Variants in ARK2C observed in about 807,000 individuals in gnomAD.
ARK2C encodes the protein E3 ubiquitin-protein ligase ARK2C.
the ARK2C span, among the ~76,000 whole-genome samples, chr18:46,444,547 C>T: frequency 6.6e-6 from 1 of 152,110 alleles, no homozygotes; most frequent in Non-Finnish European, 1.5e-5. Flanking sequence ...TCATTGTAGC[C>T]TCAACTTCCT....
the ARK2C span, among the ~76,000 whole-genome samples, chr18:46,409,254 A>G: frequency 4.0e-4 from 61 of 152,332 alleles, no homozygotes; most frequent in African/African-American, 1.5e-3. Flanking sequence ...GAACAGCAAT[A>G]TGAGATACCT....
chr18:46,338,876 C>T, the ARK2C span, among the ~76,000 whole-genome samples: 38 of 152,326 alleles, frequency 2.5e-4, no homozygotes, highest in East Asian at 3.5e-3. Context: ...ACTGACTCCC[C>T]GGCTCACCCT....
the ARK2C span, among the ~76,000 whole-genome samples, chr18:46,395,925 T>C: frequency 2.0e-4 from 30 of 152,332 alleles, no homozygotes; most frequent in African/African-American, 7.0e-4. Context: ...TTTAGGCTCA[T>C]TGGGGCTCAC....
the ARK2C span, among the ~76,000 whole-genome samples, chr18:46,340,580 G>A: frequency 6.6e-6 from 1 of 152,198 alleles, no homozygotes; most frequent in Non-Finnish European, 1.5e-5. Context: ...CACACGAATG[G>A]CAGAACGTCC....
chr18:46,398,847 G>A, the ARK2C span, among the ~76,000 whole-genome samples: 2 of 151,958 alleles, frequency 1.3e-5, no homozygotes, highest in African/African-American at 2.4e-5. Context: ...GCCCTCTCTC[G>A]TCTGGTCATT....
chr18:46,334,146 G>A, the ARK2C span: 2 of 323,694 alleles, frequency 6.2e-6, no homozygotes, highest in Non-Finnish European at 8.8e-6. The surrounding 1 kb of genome is among the most constrained non-coding windows in gnomAD (Gnocchi z 4.4). Flanking sequence ...ACCGCCGCCC[G>A]CGCCCCGCGC....
chr18:46,336,398 A>G, the ARK2C span: 3 of 985,372 alleles, frequency 3.0e-6, no homozygotes, highest in Middle Eastern at 5.2e-4. Flanking sequence ...AAAAAATCCA[A>G]CAACACAAAT....
At chr18:46,426,743 C>T in the ARK2C span, among the ~76,000 whole-genome samples, 1 of 152,226 alleles carries the variant, frequency 6.6e-6, no homozygotes, top group South Asian at 2.1e-4. Context: ...CCTTCTTTCT[C>T]CCTACTCCCT....
chr18:46,436,060 T>G, the ARK2C span, among the ~76,000 whole-genome samples: 1 of 152,068 alleles, frequency 6.6e-6, no homozygotes. Context: ...GGTCGCTTGG[T>G]TTTGGATCCT....
chr18:46,391,691 G>A, the ARK2C span, among the ~76,000 whole-genome samples: 1 of 151,678 alleles, frequency 6.6e-6, no homozygotes, highest in Non-Finnish European at 1.5e-5. Context: ...AAAGGGCTTG[G>A]GACATGTCAA....
the ARK2C span, among the ~76,000 whole-genome samples, chr18:46,437,090 C>G: frequency 6.7e-6 from 1 of 149,788 alleles, no homozygotes; most frequent in Non-Finnish European, 1.5e-5. Flanking sequence ...GCATTCCTGA[C>G]CACTACCTGC....
the ARK2C span, chr18:46,337,420 C>T: frequency 2.0e-6 from 2 of 985,160 alleles, no homozygotes; most frequent in African/African-American, 3.5e-5. Context: ...TTTACATCCC[C>T]CAGTTGACAA....
At chr18:46,372,981 C>T in the ARK2C span, among the ~76,000 whole-genome samples, 49 of 152,362 alleles carry the variant, frequency 3.2e-4, 1 homozygote, top group South Asian at 0.01. Flanking sequence ...GGGGGACCCT[C>T]CTGCTGGGAA....
the ARK2C span, chr18:46,447,584 C>T: frequency 6.2e-7 from 1 of 1,614,114 alleles, no homozygotes; most frequent in Non-Finnish European, 8.5e-7. Context: ...TGGATGCTGG[C>T]TTGAGTCCTG....
At chr18:46,428,301 C>T in the ARK2C span, among the ~76,000 whole-genome samples, 8 of 152,102 alleles carry the variant, frequency 5.3e-5, no homozygotes, top group East Asian at 1.9e-4. Flanking sequence ...CCCAGCTACT[C>T]GGGAGGCTGA....
chr18:46,455,876 CCTG>C, the ARK2C span: 1 of 680,344 alleles, frequency 1.5e-6, no homozygotes, highest in African/African-American at 1.8e-5. Flanking sequence ...CTTTAAAAAA[CCTG>C]ACTCCCAGGG....
the ARK2C span, chr18:46,450,311 C>T: frequency 1.9e-6 from 3 of 1,613,860 alleles, no homozygotes; most frequent in Non-Finnish European, 2.5e-6. Context: ...CCATGAAATC[C>T]GAAACTACCC....
chr18:46,426,855 T>A, the ARK2C span, among the ~76,000 whole-genome samples: 2 of 152,256 alleles, frequency 1.3e-5, no homozygotes, highest in Non-Finnish European at 2.9e-5. Context: ...TGGAGATTAT[T>A]TTTTAACTTG....
the ARK2C span, among the ~76,000 whole-genome samples, chr18:46,394,807 G>C: frequency 9.8e-5 from 15 of 152,316 alleles, no homozygotes; most frequent in East Asian, 1.2e-3. Flanking sequence ...GGATCCAAAG[G>C]CTTCCTGAAT....
Sources: allele counts gnomAD v4.1 joint callset (sites outside exome capture counted in the v4.1 genomes callset), GRCh38; gene constraint gnomAD v4.1.1; non-coding constraint Gnocchi (gnomAD v3.1); transcripts MANE v1.5; gene names NCBI Gene and HGNC (gene_info 2026-07-23, HGNC 2026-07-21).